The following HNRNPF variants were observed in gnomAD, a reference collection of about 807,000 sequenced individuals.
HNRNPF encodes the protein HnRNP F protein.
HNRNPF carries 2 observed loss-of-function variants against 26.0 expected under a neutral mutation model. That is an observed-to-expected ratio of 0.08 (90% confidence interval 0.03 to 0.24). The LOEUF (loss-of-function observed/expected upper bound fraction) is 0.24, where lower values mean the gene tolerates loss of function less well. Ranked by LOEUF, HNRNPF falls within the 10% of genes least tolerant of loss-of-function variation. HNRNPF has a pLI of 1.00. For missense variants in HNRNPF, 299 were observed against 539.2 expected (o/e 0.55, Z 4.41); for synonymous variants, 234 against 211.5 (o/e 1.11, Z -0.92).
intron 1 of HNRNPF, chr10:43,408,644 C>G (rs1258311324): frequency 6.6e-6 from 1 of 152,160 alleles, no homozygotes; most frequent in Non-Finnish European, 1.5e-5. Context: ...TCCCACCCCC[C>G]GTCCCCACCC....
rs1303977967 is a variant in HNRNPF, at chr10:43,392,036, G to A, written c.-53+2594C>T. ...AAGGAGGGTGGATAACCGGAGCCAG[G>A]AGTTCAAGACCAGCCTGACCAACAT... On this transcript the variant is annotated intron_variant, in intron 3 of 3. Transcript: ENST00000682386. Among the ~76,000 whole-genome samples the A allele has an allele frequency of 2.6e-5, 4 of 152,148 alleles. No homozygotes were observed. The South Asian group carries it at 6.2e-4, about 24-fold the overall frequency.
At chr10:43,407,605 G>C (rs1838968770) in intron 1 of HNRNPF, 2 of 152,164 alleles carry the variant, frequency 1.3e-5, no homozygotes. Flanking sequence ...CTACGAGCAG[G>C]GCGGAATCGA....
At chr10:43,392,648 T>C (rs547898117) in intron 3 of HNRNPF, among the ~76,000 whole-genome samples, 1 of 152,324 alleles carries the variant, frequency 6.6e-6, no homozygotes, top group African/African-American at 2.4e-5. Context: ...CTGGAAATCC[T>C]CTCCCTTTCA....
intron 1 of HNRNPF, among the ~76,000 whole-genome samples, chr10:43,405,544 A>T (rs1454976926): frequency 1.3e-5 from 2 of 152,004 alleles, no homozygotes; most frequent in African/African-American, 4.8e-5. Context: ...TAGTCCCAGC[A>T]ACTCGGGAGG....
intron 3 of HNRNPF, 119 bp downstream of exon 3, chr10:43,394,511 G>A (rs1219600301): frequency 2.6e-5 from 4 of 152,178 alleles, no homozygotes; most frequent in Non-Finnish European, 5.9e-5. Context: ...GCCCTGTGGT[G>A]TCCTGCTCAA....
chr10:43,395,469 T>G (rs553752259), intron 2 of HNRNPF, among the ~76,000 whole-genome samples: 4 of 152,328 alleles, frequency 2.6e-5, no homozygotes, highest in Admixed American at 2.6e-4. Flanking sequence ...GCTTGAGTTT[T>G]GGAAATGTGG....
At chr10:43,392,262 C>T (rs577151219) in intron 3 of HNRNPF, among the ~76,000 whole-genome samples, 2 of 152,078 alleles carry the variant, frequency 1.3e-5, no homozygotes, top group East Asian at 1.9e-4. Flanking sequence ...AAAAATTGGC[C>T]GGGCACAGTG....
chr10:43,405,589 G>C (rs908869122), intron 1 of HNRNPF, among the ~76,000 whole-genome samples: 1 of 151,982 alleles, frequency 6.6e-6, no homozygotes, highest in African/African-American at 2.4e-5. Context: ...CCGGGAGATG[G>C]AGTTTGCAGT....
chr10:43,386,480 G>C lies in HNRNPF; in HGVS notation c.*157C>G. 1 of 659,618 alleles carries C rather than the reference G, an allele frequency of 1.5e-6. No individual in the cohort carries two copies. Among genetic ancestry groups the C allele is most frequent in the Non-Finnish European group, 2.5e-6 (1 of 403,342 alleles). The allele number at this position is 659,618 out of a possible 1,614,324, so 40.9% of individuals were successfully genotyped here. On this transcript the variant is annotated 3_prime_UTR_variant, in exon 4 of 4. Coordinates refer to ENST00000682386, the MANE Select transcript of HNRNPF (RefSeq NM_001098204.2). ...TTATCACATGCTAGAAGAAAATTTT[G>C]CATGAGAAAACACTGAAGAGGTAAT...
intron 3 of HNRNPF, among the ~76,000 whole-genome samples, chr10:43,390,717 A>G (rs965278701): frequency 6.6e-6 from 1 of 152,158 alleles, no homozygotes; most frequent in Non-Finnish European, 1.5e-5. Flanking sequence ...ATTCCAAACA[A>G]ATATCTGACT....
intron 1 of HNRNPF, among the ~76,000 whole-genome samples, chr10:43,404,546 A>C (rs1736841713): frequency 2.0e-5 from 3 of 152,020 alleles, no homozygotes; most frequent in Admixed American, 1.3e-4. Context: ...TTCTTTCCAA[A>C]AACTCTCATC....
chr10:43,406,992 C>G (rs995534976), intron 1 of HNRNPF, among the ~76,000 whole-genome samples: 18 of 152,184 alleles, frequency 1.2e-4, no homozygotes, highest in African/African-American at 4.1e-4. Flanking sequence ...CTTAAGGTAT[C>G]TTTCACCTAC....
intron 3 of HNRNPF, among the ~76,000 whole-genome samples, chr10:43,393,640 T>TGCAA (rs2131971361): frequency 6.6e-6 from 1 of 151,584 alleles, no homozygotes; most frequent in African/African-American, 2.4e-5. Context: ...TAGGCCTTAC[T>TGCAA]GCAATCCCAT....
chr10:43,390,210 C>T (rs1838188357), intron 3 of HNRNPF, among the ~76,000 whole-genome samples: 1 of 152,166 alleles, frequency 6.6e-6, no homozygotes. Flanking sequence ...TGTATTGTGT[C>T]TCTTGGGATA....
At chr10:43,401,444 G>A (rs958685380) in intron 1 of HNRNPF, among the ~76,000 whole-genome samples, 12 of 152,152 alleles carry the variant, frequency 7.9e-5, no homozygotes, top group African/African-American at 2.7e-4. Flanking sequence ...GATATTGACT[G>A]CATTTTGCAA....
chr10:43,401,074 T>G (rs1838740596), intron 1 of HNRNPF, among the ~76,000 whole-genome samples: 1 of 133,976 alleles, frequency 7.5e-6, no homozygotes, highest in Admixed American at 7.1e-5. Flanking sequence ...AGAGCGAGAC[T>G]CCGTCTCAAA....
chr10:43,400,435 G>A (rs920141243), intron 1 of HNRNPF, among the ~76,000 whole-genome samples: 6 of 152,204 alleles, frequency 3.9e-5, no homozygotes, highest in Non-Finnish European at 5.9e-5. Context: ...CACATGAGAA[G>A]CACAAGATGC....
intron 1 of HNRNPF, among the ~76,000 whole-genome samples, chr10:43,400,789 C>T (rs979114220): frequency 3.3e-5 from 5 of 152,178 alleles, no homozygotes; most frequent in African/African-American, 1.2e-4. Flanking sequence ...ACAGAGCTAT[C>T]CTAAAAGCTA....
At chr10:43,403,928 G>T (rs575762651) in intron 1 of HNRNPF, among the ~76,000 whole-genome samples, 1 of 152,028 alleles carries the variant, frequency 6.6e-6, no homozygotes, top group Non-Finnish European at 1.5e-5. Context: ...GGAGGTTGAG[G>T]CTGCAGTGAG....
Sources: gnomAD v4.1 joint callset for allele counts (sites outside exome capture counted in the v4.1 genomes callset) on GRCh38, gnomAD v4.1.1 for gene constraint, MANE v1.5 for transcripts, NCBI Gene and HGNC (gene_info 2026-07-23, HGNC 2026-07-21) for gene names.